Variants in PAX6 observed in about 807,000 individuals in gnomAD.
PAX6 encodes paired box 6, also known as paired box protein Pax-6.
Under a neutral mutation model 60.7 loss-of-function variants are expected in PAX6, and 7 were observed. That is an observed-to-expected ratio of 0.12 (90% CI 0.07 to 0.22). The LOEUF is 0.22. Ranked by LOEUF, PAX6 falls within the 10% of genes least tolerant of loss-of-function variation. The probability of loss-of-function intolerance (pLI) is 1.00; values close to 1 mark genes in which losing one functional copy is unlikely to be tolerated. For synonymous variants in PAX6, 208 were observed against 201.2 expected (o/e 1.03, Z -0.29); for missense variants, 355 against 555.2 (o/e 0.64, Z 3.62).
chr11:31,795,976 A>G (rs1235758091), intron 8 of PAX6, among the ~76,000 whole-genome samples: 1 of 152,234 alleles, frequency 6.6e-6, no homozygotes, highest in South Asian at 2.1e-4. Context: ...GTGGGAATCG[A>G]CTTGGCCAGG....
chr11:31,802,943 A>C, intron 4 of PAX6, 109 bp from the exon 5 acceptor site: 2 of 1,078,294 alleles, frequency 1.9e-6, no homozygotes, highest in Non-Finnish European at 1.4e-6. Context: ...CAAGAACAGA[A>C]AGGAGAGGAG....
At chr11:31,803,127 G>T in intron 4 of PAX6, 6 of 471,114 alleles carry the variant, frequency 1.3e-5, no homozygotes, top group Non-Finnish European at 2.0e-5. Context: ...CCGTGCCCCT[G>T]CCCACTGTAC....
In PAX6 at chr11:31,800,826, G is replaced by C; in HGVS notation, c.430C>G (p.Leu144Val). 1 of 1,614,178 alleles carries C rather than the reference G, an allele frequency of 6.2e-7. No homozygotes were observed. Residue 144 changes from leucine to valine, a missense_variant, in exon 8 of 14, where the codon CTG becomes GTG. This residue lies in a region of PAX6 where 143 missense variants were observed against 183.6 expected (regional missense o/e 0.78). Transcript: ENST00000640368. ...CCCATCTGTTGCTTTTCGCTAGCCA[G>C]GTTGCGAAGAACTCTGTTTATTGAT... is the stretch of plus-strand genomic sequence containing the variant. ...VSSINRVLRN[L>V]ASEKQQMGAD...
chr11:31,800,877 A>G (rs767158898), intron 7 of PAX6, 21 bp from the exon 8 acceptor site: 1 of 1,612,766 alleles, frequency 6.2e-7, no homozygotes, highest in African/African-American at 1.3e-5. Flanking sequence ...AACCAAAATC[A>G]AACCAAATGG....
At chr11:31,795,540 A>C (rs1418183927) in intron 8 of PAX6, among the ~76,000 whole-genome samples, 2 of 152,252 alleles carry the variant, frequency 1.3e-5, no homozygotes, top group African/African-American at 4.8e-5. Flanking sequence ...ATTTCTTTTA[A>C]ATTTTTAACG....
At chr11:31,790,097 CAA>C (rs1171009926) in intron 13 of PAX6, 78 bp from the exon 14 acceptor site, 125 of 145,024 alleles carry the variant, frequency 8.6e-4, no homozygotes, top group Non-Finnish European at 1.0e-3. Context: ...TATAGGTTTA[CAA>C]AAAAAAAAAA....
upstream of PAX6, among the ~76,000 whole-genome samples, chr11:31,813,394 G>GC: frequency 9.5e-6 from 1 of 104,840 alleles, no homozygotes; most frequent in South Asian, 4.5e-4. Context: ...GGGGGCGGGG[G>GC]GGGGGGAAGT....
chr11:31,816,580 G>A (rs4440995), intron 1 of PAX6: 137,799 of 702,452 alleles, frequency 0.2, 15,028 homozygotes, highest in East Asian at 0.33. Context: ...CGAAGCAGGC[G>A]ACCTGCTCGC....
chr11:31,806,462 T>C lies in PAX6; in HGVS notation c.-51A>G, dbSNP rs1955835530. On this transcript the variant is annotated splice_region_variant and 5_prime_UTR_variant, in exon 4 of 14. Transcript: ENST00000640368. ...ATTCCACGGGGCTCGAATATGGGGC[T>C]CTGTTAGCAAGAAAATAGGAGTTAA... 17 of 1,595,766 alleles carry C rather than the reference T, an allele frequency of 1.1e-5. No homozygotes were observed. The highest frequency in any genetic ancestry group is 1.5e-5 in the Non-Finnish European group (17 of 1,170,926).
rs1333149814 is a variant in PAX6, at chr11:31,811,115, C to G, written c.-317G>C. ...AGGGAAGTGGCTGCAGCCAGCACAC[C>G]TATGCTGATTGGTGATGGCTCAAGT... On this transcript the variant is annotated splice_region_variant and 5_prime_UTR_variant, in exon 1 of 14. Coordinates refer to ENST00000640368, the MANE Select transcript of PAX6 (RefSeq NM_001368894.2). 2.5e-6 allele frequency: 1 copy of G among 399,074 alleles called. No homozygotes were observed. Among genetic ancestry groups the G allele is most frequent in the African/African-American group, 2.1e-5 (1 of 48,630 alleles). 24.7% of individuals were successfully genotyped at this position (399,074 alleles called of 1,614,324 possible).
intron 9 of PAX6, 72 bp downstream of exon 9, chr11:31,794,558 T>C: frequency 6.6e-7 from 1 of 1,507,800 alleles, no homozygotes; most frequent in Non-Finnish European, 9.2e-7. Context: ...CCTGGCTAAA[T>C]TTAGCTCTTT....
At chr11:31,810,340 C>G (rs570123926) in intron 2 of PAX6, 2 of 152,352 alleles carry the variant, frequency 1.3e-5, no homozygotes, top group Non-Finnish European at 2.9e-5. Context: ...GGCGCTCCCT[C>G]GGCGAGTCCT....
intron 8 of PAX6, among the ~76,000 whole-genome samples, chr11:31,800,318 G>A (rs556037684): frequency 5.3e-5 from 8 of 152,216 alleles, no homozygotes; most frequent in African/African-American, 1.9e-4. Context: ...TGTTAACCTC[G>A]CAGTCTGTCA....
In PAX6 at chr11:31,790,804, C is replaced by T. The variant is rs369447790; in HGVS notation, c.1131G>A (p.Ser377=). 1.2e-5 allele frequency: 19 copies of T among 1,614,048 alleles called. No individual in the cohort carries two copies. Among genetic ancestry groups the T allele is most frequent in the South Asian group, 3.3e-5 (3 of 91,072 alleles). The change falls in exon 13 of 14, where the codon TCG becomes TCA. Residue 377 remains serine, a synonymous_variant. Coordinates refer to ENST00000640368, the MANE Select transcript of PAX6 (RefSeq NM_001368894.2). The stretch of plus-strand genomic sequence containing the variant: ...AGGTATCATAACTCCGCCCATTCAC[C>T]GAAGGGCTGGTGGGCAGCATGCAGG... The part of the protein sequence containing the change: ...SYSCMLPTSP[S]VNGRSYDTYT...
In PAX6 at chr11:31,811,192, G is replaced by T. The variant is rs1242236084; in HGVS notation, c.-394C>A. ...GGCCTCGCCTCCACCGCTCCTCACT[G>T]GCCCATTAGCGAAGCCTGACCTCTG... is the stretch of plus-strand genomic sequence containing the variant. On this transcript the variant is annotated 5_prime_UTR_variant, in exon 1 of 14. Coordinates refer to ENST00000640368, the MANE Select transcript of PAX6 (RefSeq NM_001368894.2). 1.0e-5 allele frequency: 4 copies of T among 399,280 alleles called. No homozygotes were observed. The highest frequency in any genetic ancestry group is 1.8e-5 in the Non-Finnish European group (4 of 226,352). 24.7% of individuals were successfully genotyped at this position (399,280 alleles called of 1,614,324 possible).
intron 1 of PAX6, chr11:31,816,682 T>A: frequency 1.5e-6 from 1 of 673,530 alleles, no homozygotes; most frequent in Non-Finnish European, 2.7e-6. Flanking sequence ...GTCCCCCGTT[T>A]CCAGGTGAGG....
At chr11:31,798,462 G>T (rs1952389974) in intron 8 of PAX6, among the ~76,000 whole-genome samples, 1 of 152,332 alleles carries the variant, frequency 6.6e-6, no homozygotes, top group Non-Finnish European at 1.5e-5. Context: ...TGGGAAAGGG[G>T]GCTAGGGAGG....
At chr11:31,806,359 C>T in intron 4 of PAX6, 43 bp downstream of exon 4, 1 of 1,594,842 alleles carries the variant, frequency 6.3e-7, no homozygotes, top group Non-Finnish European at 8.5e-7. Flanking sequence ...CTCGGGTCCG[C>T]GCACCCCGAG....
chr11:31,805,130 C>A (rs921790469), intron 4 of PAX6: 2 of 152,338 alleles, frequency 1.3e-5, no homozygotes, highest in African/African-American at 4.8e-5. Context: ...ACGAGCGGCA[C>A]AAAGCCCTGC....
Sources: allele counts gnomAD v4.1 joint callset (sites outside exome capture counted in the v4.1 genomes callset), GRCh38; gene constraint gnomAD v4.1.1; regional missense constraint gnomAD v4.1.1; transcripts MANE v1.5; gene names NCBI Gene and HGNC (gene_info 2026-07-23, HGNC 2026-07-21).